FAM78B: variants seen among roughly 807,000 people sequenced by gnomAD.
FAM78B encodes the protein protein FAM78B.
FAM78B carries 10 observed loss-of-function variants against 20.0 expected under a neutral mutation model. The ratio of observed to expected loss-of-function variants is 0.50; its 90% CI spans 0.31 to 0.85. FAM78B has a LOEUF of 0.85. FAM78B is among the 40% of genes least tolerant of loss of function. The probability of loss-of-function intolerance (pLI) is 0.05; values close to 1 mark genes in which losing one functional copy is unlikely to be tolerated. For missense variants in FAM78B, 283 were observed against 345.0 expected (o/e 0.82, Z 1.42); for synonymous variants, 135 against 132.8 (o/e 1.02, Z -0.12).
At chr1:166,153,256 A>G (rs969738055) in intron 1 of FAM78B, among the ~76,000 whole-genome samples, 8 of 152,138 alleles carry the variant, frequency 5.3e-5, no homozygotes, top group East Asian at 1.9e-4. Flanking sequence ...CCAGAGAGAG[A>G]GGGGGAGCAC....
At chr1:166,087,592 G>C (rs1272632174) in intron 1 of FAM78B, 1 of 152,128 alleles carries the variant, frequency 6.6e-6, no homozygotes, top group African/African-American at 2.4e-5. Flanking sequence ...CCTTGTGAAG[G>C]GGGCACTGTA....
intron 1 of FAM78B, among the ~76,000 whole-genome samples, chr1:166,133,847 T>C (rs1206152430): frequency 6.6e-6 from 1 of 152,196 alleles, no homozygotes; most frequent in Non-Finnish European, 1.5e-5. Flanking sequence ...ATCTCCTTTC[T>C]CTAAACATTA....
At chr1:166,115,911 C>G (rs1316452581) in intron 1 of FAM78B, among the ~76,000 whole-genome samples, 1 of 152,190 alleles carries the variant, frequency 6.6e-6, no homozygotes, top group Admixed American at 6.5e-5. Flanking sequence ...AAACAGAAAA[C>G]AAGGTCAAAG....
At chr1:166,105,227 T>C (rs1164559561) in intron 1 of FAM78B, among the ~76,000 whole-genome samples, 1 of 152,220 alleles carries the variant, frequency 6.6e-6, no homozygotes, top group Non-Finnish European at 1.5e-5. Flanking sequence ...AAGACTTAAA[T>C]GTTAGACCCA....
At chr1:166,142,638 T>G (rs1655320107) in intron 1 of FAM78B, among the ~76,000 whole-genome samples, 1 of 152,230 alleles carries the variant, frequency 6.6e-6, no homozygotes, top group Non-Finnish European at 1.5e-5. Context: ...GGGTATAATC[T>G]TTATCTCTTC....
At chr1:166,077,908 ATAATTAT>A (rs1213238452) in intron 1 of FAM78B, among the ~76,000 whole-genome samples, 15,835 of 27,412 alleles carry the variant, frequency 0.58, 3,018 homozygotes, top group South Asian at 0.59. Context: ...ATTTATATAT[ATAATTAT>A]ATATATAATA....
chr1:166,158,142 G>T (rs951625038), intron 1 of FAM78B, among the ~76,000 whole-genome samples: 5 of 152,080 alleles, frequency 3.3e-5, no homozygotes, highest in African/African-American at 1.2e-4. Context: ...CCCCTTCCTG[G>T]GAGATAAGGC....
At chr1:166,134,938 T>C (rs1463370894) in intron 1 of FAM78B, among the ~76,000 whole-genome samples, 2 of 152,240 alleles carry the variant, frequency 1.3e-5, no homozygotes, top group Non-Finnish European at 1.5e-5. Flanking sequence ...GTCCTAAAAC[T>C]ATCAAGCTCT....
intron 1 of FAM78B, among the ~76,000 whole-genome samples, chr1:166,109,847 T>C (rs1351385889): frequency 0.099 from 3,378 of 34,146 alleles, 642 homozygotes; most frequent in East Asian, 0.18. Flanking sequence ...TATGTATATA[T>C]ATATATATAT....
chr1:166,162,218 G>C (rs1247742030), intron 1 of FAM78B, among the ~76,000 whole-genome samples: 4 of 152,150 alleles, frequency 2.6e-5, no homozygotes, highest in Admixed American at 2.6e-4. Context: ...GATCAGCTTG[G>C]ACTAAACTGA....
chr1:166,115,018 G>A (rs1359360955), intron 1 of FAM78B, among the ~76,000 whole-genome samples: 1 of 152,162 alleles, frequency 6.6e-6, no homozygotes, highest in Non-Finnish European at 1.5e-5. Context: ...AGAGTTTTGG[G>A]AGGAGCATGT....
chr1:166,153,916 C>A (rs1317809901), intron 1 of FAM78B, among the ~76,000 whole-genome samples: 2 of 152,204 alleles, frequency 1.3e-5, no homozygotes, highest in South Asian at 2.1e-4. Flanking sequence ...TCTTCCCCAA[C>A]CCCACCTCCT....
intron 1 of FAM78B, among the ~76,000 whole-genome samples, chr1:166,085,496 G>C (rs550338187): frequency 1.3e-5 from 2 of 152,306 alleles, no homozygotes; most frequent in African/African-American, 4.8e-5. Context: ...AAATGTTCAA[G>C]GTCAAGGAGA....
At chr1:166,101,006 T>G (rs1179980177) in intron 1 of FAM78B, among the ~76,000 whole-genome samples, 1 of 152,084 alleles carries the variant, frequency 6.6e-6, no homozygotes, top group Non-Finnish European at 1.5e-5. Flanking sequence ...TCCAGAGGAA[T>G]GATCAGGCAG....
At chr1:166,155,097 G>A (rs766117884) in intron 1 of FAM78B, among the ~76,000 whole-genome samples, 1 of 152,216 alleles carries the variant, frequency 6.6e-6, no homozygotes, top group Non-Finnish European at 1.5e-5. Flanking sequence ...GAGCAGCTGA[G>A]TGAACCAGGC....
At chr1:166,105,770 A>T (rs1653750419) in intron 1 of FAM78B, among the ~76,000 whole-genome samples, 1 of 151,930 alleles carries the variant, frequency 6.6e-6, no homozygotes, top group Non-Finnish European at 1.5e-5. Flanking sequence ...ACTGTAAACT[A>T]GTTCAACCAT....
chr1:166,127,979 A>G (rs1003121070), intron 1 of FAM78B, among the ~76,000 whole-genome samples: 1 of 152,238 alleles, frequency 6.6e-6, no homozygotes, highest in Non-Finnish European at 1.5e-5. Context: ...GTCAGACAAG[A>G]TATTTTGCTA....
intron 1 of FAM78B, among the ~76,000 whole-genome samples, chr1:166,150,438 A>G (rs1428857949): frequency 2.0e-5 from 3 of 152,228 alleles, no homozygotes; most frequent in Non-Finnish European, 4.4e-5. Context: ...TAGTAAGTAA[A>G]TCATAATAGA....
intron 1 of FAM78B, among the ~76,000 whole-genome samples, chr1:166,155,781 G>C (rs1182685691): frequency 1.3e-5 from 2 of 152,198 alleles, no homozygotes; most frequent in Non-Finnish European, 2.9e-5. Flanking sequence ...GGCTCAGCGT[G>C]TGTGGTCTCG....
Sources: allele counts gnomAD v4.1 joint callset (sites outside exome capture counted in the v4.1 genomes callset), GRCh38; gene constraint gnomAD v4.1.1; transcripts MANE v1.5; gene names NCBI Gene and HGNC (gene_info 2026-07-23, HGNC 2026-07-21).